DIAPH2: variants seen among roughly 807,000 people sequenced by gnomAD.
DIAPH2 encodes the protein protein diaphanous homolog 2.
DIAPH2 carries 35 observed loss-of-function variants against 92.7 expected under a neutral mutation model. The observed-to-expected ratio is 0.38, with a 90% CI of 0.29 to 0.50. The LOEUF is 0.50. Among genes scored for constraint, DIAPH2 ranks in the 20% least tolerant of loss-of-function variants. The pLI, the probability that DIAPH2 is intolerant of heterozygous loss-of-function variation, is 0.94. For missense variants in DIAPH2, 701 were observed against 819.5 expected, an observed-to-expected ratio of 0.86 and a Z score of 1.77; for synonymous variants, 301 against 280.4, an observed-to-expected ratio of 1.07 and a Z score of -0.73.
At chrX:96,716,111 T>A (rs1208378347) in intron 1 of DIAPH2, among the ~76,000 whole-genome samples, 2 of 111,448 alleles carry the variant, frequency 1.8e-5, no homozygotes, top group Non-Finnish European at 3.8e-5. Flanking sequence ...ATATAATAAG[T>A]GCACAACATT....
At chrX:97,177,412 C>T (rs765661962) in intron 22 of DIAPH2, among the ~76,000 whole-genome samples, 8 of 111,250 alleles carry the variant, frequency 7.2e-5, no homozygotes, top group East Asian at 2.8e-4. Flanking sequence ...TTTTGGACTT[C>T]GTACATTTGA....
intron 25 of DIAPH2, among the ~76,000 whole-genome samples, chrX:97,403,854 C>CT (rs775278102): frequency 0.019 from 1,889 of 98,219 alleles, 43 homozygotes; most frequent in African/African-American, 0.059. Context: ...ACAGATAATC[C>CT]TTTTTTTTTT....
In DIAPH2 at chrX:96,897,109, C is replaced by T. The variant is rs143218247; in HGVS notation, c.588-15219C>T. ...TCAAGAGATTCATCGTACATCATGG[C>T]GACTGTAGTTAATACCAATATATTG... On this transcript the variant is annotated intron_variant, in intron 5 of 26. Coordinates refer to ENST00000324765, the MANE Select transcript of DIAPH2 (RefSeq NM_006729.5). Among the ~76,000 whole-genome samples the T allele has an allele frequency of 6.8e-4, 75 of 111,109 alleles. 1 individual carries two copies. Among genetic ancestry groups the T allele is most frequent in the African/African-American group, 2.1e-3 (65 of 30,656 alleles).
chrX:97,521,407 C>T (rs1322812178), intron 26 of DIAPH2, among the ~76,000 whole-genome samples: 1 of 112,096 alleles, frequency 8.9e-6, no homozygotes, highest in African/African-American at 3.2e-5. Flanking sequence ...CCTTTCCTTA[C>T]ATACACATTC....
intron 23 of DIAPH2, among the ~76,000 whole-genome samples, chrX:97,337,052 C>G (rs1051475953): frequency 1.8e-5 from 2 of 110,481 alleles, no homozygotes; most frequent in African/African-American, 6.6e-5. Context: ...GACTTTGGTT[C>G]AAAATACTCA....
Position 97,453,466 on chromosome X carries a change from AG to A in DIAPH2, c.3241+23722del, listed in dbSNP as rs1291058051. 9.9e-5 allele frequency among the ~76,000 whole-genome samples: 11 copies of A among 111,025 alleles called. No homozygotes were observed. In the South Asian group the frequency reaches 4.2e-3, roughly 43 times the overall value. On this transcript the variant is annotated intron_variant, in intron 26 of 26. Coordinates refer to ENST00000324765, the MANE Select transcript of DIAPH2 (RefSeq NM_006729.5). ...TGCAAAGCATGATTAACTTGGGTCAAGTCAGTGCATAAAATCTGTAATCACT... is the reference window on the plus strand; with the variant it reads ...TGCAAAGCATGATTAACTTGGGTCAATCAGTGCATAAAATCTGTAATCACT...
At chrX:96,775,353 T>TTGTGTGCG (rs1556146392) in intron 4 of DIAPH2, among the ~76,000 whole-genome samples, 2 of 89,364 alleles carry the variant, frequency 2.2e-5, no homozygotes, top group African/African-American at 8.0e-5. Flanking sequence ...CAACGTGTGC[T>TTGTGTGCG]TGTGTGTGTG....
At position 97,346,413 on chromosome X, in the gene DIAPH2, C is replaced by A. The variant is rs1459250106; in HGVS notation, c.2845-1703C>A. ...CTCCCCTTCATCCTCTCTTCTCCCT[C>A]CCCCCTTCCCTCCTTCTCCGTCTTC... On this transcript the variant is annotated intron_variant, in intron 23 of 26. Transcript: ENST00000324765. Among the ~76,000 whole-genome samples the A allele has an allele frequency of 2.8e-5, 3 of 109,055 alleles. No individual in the cohort carries two copies. The Admixed American group carries it at 3.0e-4, about 11-fold the overall frequency. 94.7% of individuals were successfully genotyped at this position (109,055 alleles called of 115,157 possible).
At chrX:96,989,543 G>C (rs887075868) in intron 17 of DIAPH2, among the ~76,000 whole-genome samples, 1 of 111,966 alleles carries the variant, frequency 8.9e-6, no homozygotes, top group Non-Finnish European at 1.9e-5. Flanking sequence ...TGGCAGAGAG[G>C]TATTTTAGCA....
intron 23 of DIAPH2, among the ~76,000 whole-genome samples, chrX:97,266,321 C>G (rs2068336297): frequency 8.9e-6 from 1 of 111,970 alleles, no homozygotes; most frequent in Admixed American, 9.6e-5. Flanking sequence ...ACTGGCTATT[C>G]TCCTTTATTA....
At chrX:97,352,042 G>T (rs191779254) in intron 24 of DIAPH2, among the ~76,000 whole-genome samples, 1 of 110,606 alleles carries the variant, frequency 9.0e-6, no homozygotes, top group Non-Finnish European at 1.9e-5. Context: ...AATTGTAATC[G>T]CCAGAAGTTC....
At chrX:97,459,822 G>C (rs1056763502) in intron 26 of DIAPH2, among the ~76,000 whole-genome samples, 1 of 111,868 alleles carries the variant, frequency 8.9e-6, no homozygotes, top group African/African-American at 3.3e-5. Context: ...AGAATCTGAA[G>C]CTAAGCTCTC....
At chrX:96,897,173 A>T (rs57066304) in intron 5 of DIAPH2, among the ~76,000 whole-genome samples, 15,361 of 110,672 alleles carry the variant, frequency 0.14, 878 homozygotes, top group East Asian at 0.32. Context: ...TTTTTAAAAG[A>T]TTATTTTTAA....
At chrX:96,912,575 CCT>C (rs1167525527) in intron 7 of DIAPH2, 23 bp downstream of exon 7, 5 of 1,145,848 alleles carry the variant, frequency 4.4e-6, no homozygotes, top group Non-Finnish European at 5.8e-6. Flanking sequence ...TATTTCTGCC[CCT>C]GTCACAAAAG....
intron 19 of DIAPH2, among the ~76,000 whole-genome samples, chrX:97,093,214 AGAGAGAGG>A (rs1406617012): frequency 3.5e-5 from 3 of 84,955 alleles, no homozygotes; most frequent in African/African-American, 1.3e-4. Flanking sequence ...CGAAAGAGAG[AGAGAGAGG>A]GAGGGAGGGA....
At chrX:96,932,464 A>T (rs1303065162) in intron 10 of DIAPH2, among the ~76,000 whole-genome samples, 2 of 110,456 alleles carry the variant, frequency 1.8e-5, no homozygotes, top group Admixed American at 9.7e-5. Flanking sequence ...GTCTGGGTAT[A>T]TTAATCTCTG....
intron 1 of DIAPH2, among the ~76,000 whole-genome samples, chrX:96,713,423 A>C (rs1490112993): frequency 1.8e-5 from 2 of 111,089 alleles, no homozygotes; most frequent in Non-Finnish European, 3.8e-5. Flanking sequence ...CCACACACCC[A>C]CAGGTTACCT....
chrX:97,277,949 G>A (rs1011602915), intron 23 of DIAPH2, among the ~76,000 whole-genome samples: 2 of 111,941 alleles, frequency 1.8e-5, no homozygotes, highest in African/African-American at 3.2e-5. Flanking sequence ...TGGTTCAAGC[G>A]ATTTTCCTGC....
At chrX:97,331,009 A>G (rs1257656180) in intron 23 of DIAPH2, among the ~76,000 whole-genome samples, 1 of 111,404 alleles carries the variant, frequency 9.0e-6, no homozygotes, top group Non-Finnish European at 1.9e-5. Context: ...CTGGCTTTGA[A>G]TAACACATTG....
Sources: allele counts gnomAD v4.1 joint callset (sites outside exome capture counted in the v4.1 genomes callset), GRCh38; gene constraint gnomAD v4.1.1; transcripts MANE v1.5; gene names NCBI Gene and HGNC (gene_info 2026-07-23, HGNC 2026-07-21).